Variants in SMOC2 observed in about 807,000 individuals in gnomAD.
SMOC2 encodes SPARC related modular calcium binding 2, also known as SPARC-related modular calcium-binding protein 2.
A neutral mutation model predicts 61.4 loss-of-function variants in SMOC2; 39 were observed. That is an observed-to-expected ratio of 0.64 (90% CI 0.49 to 0.83). The LOEUF (loss-of-function observed/expected upper bound fraction) is 0.83. SMOC2 is among the 40% of genes least tolerant of loss of function. The probability of loss-of-function intolerance (pLI) is 0.00; values close to 1 mark genes in which losing one functional copy is unlikely to be tolerated. For missense variants in SMOC2, 556 were observed against 592.9 expected (o/e 0.94, Z 0.65); for synonymous variants, 247 against 239.9 (o/e 1.03, Z -0.27).
chr6:168,548,169 G>A (rs568417465), intron 6 of SMOC2, among the ~76,000 whole-genome samples: 4 of 152,186 alleles, frequency 2.6e-5, no homozygotes, highest in South Asian at 2.1e-4. Context: ...GGTCCTAAGC[G>A]CTACACAATG....
chr6:168,514,913 A>G (rs914513128), intron 2 of SMOC2, among the ~76,000 whole-genome samples: 2 of 152,148 alleles, frequency 1.3e-5, no homozygotes, highest in African/African-American at 4.8e-5. Context: ...GAAGCTCGAC[A>G]CCTGTGACCC....
intron 9 of SMOC2, among the ~76,000 whole-genome samples, chr6:168,609,692 G>A (rs1785803947): frequency 6.6e-6 from 1 of 152,192 alleles, no homozygotes; most frequent in Non-Finnish European, 1.5e-5. Context: ...CTTCTCACAT[G>A]CTTGCTGCAT....
chr6:168,526,323 C>T (rs548146575), intron 2 of SMOC2, 23 bp from the exon 3 acceptor site: 23 of 1,597,544 alleles, frequency 1.4e-5, no homozygotes, highest in Admixed American at 6.7e-5. Flanking sequence ...ATAACCACAC[C>T]TCTGCCCTGT....
chr6:168,551,032 C>A (rs1784118190), intron 7 of SMOC2, among the ~76,000 whole-genome samples: 1 of 152,136 alleles, frequency 6.6e-6, no homozygotes, highest in Non-Finnish European at 1.5e-5. Flanking sequence ...AATGGAGAGA[C>A]CAGGTGGAGA....
intron 1 of SMOC2, among the ~76,000 whole-genome samples, chr6:168,457,274 C>A (rs895116873): frequency 2.6e-5 from 4 of 152,172 alleles, no homozygotes; most frequent in Non-Finnish European, 5.9e-5. Flanking sequence ...CCACTGTCTA[C>A]AACGGGGGAG....
At chr6:168,557,615 C>A (rs1420572490) in intron 7 of SMOC2, among the ~76,000 whole-genome samples, 1 of 152,190 alleles carries the variant, frequency 6.6e-6, no homozygotes, top group Non-Finnish European at 1.5e-5. Flanking sequence ...ACATCAACTC[C>A]TCCTTGAACT....
At chr6:168,481,254 G>T (rs1278439959) in intron 1 of SMOC2, among the ~76,000 whole-genome samples, 3 of 152,090 alleles carry the variant, frequency 2.0e-5, no homozygotes, top group African/African-American at 4.8e-5. Context: ...TACACTTAAA[G>T]AAATTATTAC....
At chr6:168,571,774 G>T (rs1414216420) in intron 7 of SMOC2, among the ~76,000 whole-genome samples, 1 of 152,192 alleles carries the variant, frequency 6.6e-6, no homozygotes, top group Non-Finnish European at 1.5e-5. Context: ...GTCCTCATTT[G>T]TTTGTTCACT....
chr6:168,459,343 G>A (rs1781663237), intron 1 of SMOC2, among the ~76,000 whole-genome samples: 1 of 152,180 alleles, frequency 6.6e-6, no homozygotes, highest in Non-Finnish European at 1.5e-5. Flanking sequence ...GGGGAATCTG[G>A]GCCATCGGCA....
rs981991883 is a variant in SMOC2 at position 168,441,204 on chromosome 6, G to A, written c.-167G>A. The A allele has an allele frequency of 2.0e-6, 2 of 1,018,002 alleles. No homozygotes were observed. The highest frequency in any genetic ancestry group is 2.6e-6 in the Non-Finnish European group (2 of 767,120). 63.1% of individuals were successfully genotyped at this position (1,018,002 alleles called of 1,614,324 possible). ...CAAAGAACGCGGAGGACCTCTGGGTGCCTGCAGGGGAGCTGCTCCAGCCGG... is the reference window on the plus strand; with the variant it reads ...CAAAGAACGCGGAGGACCTCTGGGTACCTGCAGGGGAGCTGCTCCAGCCGG... On this transcript the variant is annotated 5_prime_UTR_variant, in exon 1 of 13. Transcript: ENST00000356284.
At chr6:168,628,271 C>T (rs558321227) in intron 9 of SMOC2, among the ~76,000 whole-genome samples, 4 of 152,218 alleles carry the variant, frequency 2.6e-5, no homozygotes, top group Non-Finnish European at 5.9e-5. Context: ...GAAAACAAAA[C>T]AGTAACATCC....
chr6:168,474,316 C>G (rs1220394899), intron 1 of SMOC2, among the ~76,000 whole-genome samples: 1 of 152,108 alleles, frequency 6.6e-6, no homozygotes, highest in Non-Finnish European at 1.5e-5. Context: ...GAGCTGCCAG[C>G]TGGGCTGGGG....
chr6:168,512,289 G>A (rs184299192), intron 2 of SMOC2, among the ~76,000 whole-genome samples: 6 of 152,242 alleles, frequency 3.9e-5, no homozygotes, highest in South Asian at 2.1e-4. Flanking sequence ...TCTGCACGGC[G>A]CATGCTTCCC....
At chr6:168,519,373 A>C (rs1245849147) in intron 2 of SMOC2, among the ~76,000 whole-genome samples, 1 of 152,176 alleles carries the variant, frequency 6.6e-6, no homozygotes. Flanking sequence ...TTCTTCCAGC[A>C]GACACAGTTA....
chr6:168,623,926 G>A (rs1786316382), intron 9 of SMOC2, among the ~76,000 whole-genome samples: 1 of 152,194 alleles, frequency 6.6e-6, no homozygotes, highest in South Asian at 2.1e-4. Context: ...GGAGGAGGGA[G>A]AGAGGCGCGC....
At chr6:168,510,412 G>C (rs1017057754) in intron 2 of SMOC2, among the ~76,000 whole-genome samples, 1 of 152,080 alleles carries the variant, frequency 6.6e-6, no homozygotes, top group African/African-American at 2.4e-5. Flanking sequence ...TTTAGCAAGT[G>C]GGATGTGTAC....
intron 2 of SMOC2, among the ~76,000 whole-genome samples, chr6:168,514,281 C>T (rs1291076224): frequency 6.6e-6 from 1 of 152,078 alleles, no homozygotes; most frequent in African/African-American, 2.4e-5. Flanking sequence ...TGTCTCGTTC[C>T]ACACACTGAA....
rs560853690 is a variant in SMOC2 at position 168,514,376 on chromosome 6, G to C, written c.256+4290G>C. Among the ~76,000 whole-genome samples, 257 of 152,316 alleles carry C rather than the reference G, an allele frequency of 1.7e-3. 2 individuals carry two copies. Among genetic ancestry groups the C allele is most frequent in the African/African-American group, 5.7e-3 (239 of 41,574 alleles). On this transcript the variant is annotated intron_variant, in intron 2 of 12. Transcript: ENST00000356284. ...AAGGACAGTGGTGCGTTGGACAACT[G>C]TCCGGGGATAACGTGATTTCCAGCA... is the stretch of plus-strand genomic sequence containing the variant.
intron 1 of SMOC2, among the ~76,000 whole-genome samples, chr6:168,447,609 A>G (rs1781359303): frequency 6.6e-6 from 1 of 152,136 alleles, no homozygotes; most frequent in Non-Finnish European, 1.5e-5. Context: ...GGAAAGGGGT[A>G]GGCAAACTCT....
Sources: gnomAD v4.1 joint callset for allele counts (sites outside exome capture counted in the v4.1 genomes callset) on GRCh38, gnomAD v4.1.1 for gene constraint, MANE v1.5 for transcripts, NCBI Gene and HGNC (gene_info 2026-07-23, HGNC 2026-07-21) for gene names.